DPF2: variants seen among roughly 807,000 people sequenced by gnomAD.
The protein encoded by DPF2 is double PHD fingers 2.
Under a neutral mutation model 59.6 loss-of-function variants are expected in DPF2, and 10 were observed. The ratio of observed to expected loss-of-function variants is 0.17; its 90% CI spans 0.10 to 0.28. The LOEUF is 0.28. Ranked by LOEUF, DPF2 falls within the 10% of genes least tolerant of loss-of-function variation. The pLI is 1.00. For missense variants in DPF2, 315 were observed against 509.4 expected, an observed-to-expected ratio of 0.62 and a Z score of 3.67; for synonymous variants, 189 against 190.6, an observed-to-expected ratio of 0.99 and a Z score of 0.07.
chr11:65,340,259 G>C, intron 1 of DPF2, 126 bp from the exon 2 acceptor site: 1 of 1,108,174 alleles, frequency 9.0e-7, no homozygotes, highest in South Asian at 1.7e-5. Flanking sequence ...GAGGCAAATA[G>C]AACGGAAGAG....
In DPF2 at chr11:65,353,923, G is replaced by C. The variant is rs1854793605; in HGVS notation, c.*2164G>C. On this transcript the variant is annotated 3_prime_UTR_variant, in exon 11 of 11. Coordinates refer to ENST00000528416, the MANE Select transcript of DPF2 (RefSeq NM_006268.5). ...GCTTTGGCAGCTGAGTAGTCCGAGA[G>C]CCAGAAAAGAAATGTGGAAAATAAG... 6.6e-6 allele frequency among the ~76,000 whole-genome samples: 1 copy of C among 152,206 alleles called. No homozygotes were observed. Among genetic ancestry groups the C allele is most frequent in the Non-Finnish European group, 1.5e-5 (1 of 68,040 alleles).
At chr11:65,340,771 G>T (rs1440847667) in intron 2 of DPF2, among the ~76,000 whole-genome samples, 195 bp from the exon 3 acceptor site, 1 of 152,138 alleles carries the variant, frequency 6.6e-6, no homozygotes, top group African/African-American at 2.4e-5. Flanking sequence ...AGAACTATGT[G>T]TTAGCCAAGG....
intron 1 of DPF2, among the ~76,000 whole-genome samples, chr11:65,337,547 A>AGAGAGAGAGAGAGAGAG (rs1251201046): frequency 7.6e-6 from 1 of 131,638 alleles, no homozygotes; most frequent in Non-Finnish European, 1.6e-5. Context: ...AGAGAGAGAG[A>AGAGAGAGAGAGAGAGAG]ACAATGTTAA....
chr11:65,350,871 A>G (rs903466300), intron 10 of DPF2, among the ~76,000 whole-genome samples: 4 of 151,674 alleles, frequency 2.6e-5, no homozygotes, highest in Middle Eastern at 3.2e-3. Flanking sequence ...CTCAGCTACT[A>G]TAGAGGCTGA....
chr11:65,343,692 G>A (rs1854445879), intron 4 of DPF2, 53 bp from the exon 5 acceptor site: 1 of 1,540,472 alleles, frequency 6.5e-7, no homozygotes, highest in South Asian at 1.2e-5. Context: ...TCATCATAGG[G>A]GAGCTTTTGG....
chr11:65,351,500 T>C lies in DPF2; in HGVS notation c.1100-183T>C, dbSNP rs620888. Among the ~76,000 whole-genome samples, 150,855 of 152,348 alleles carry C rather than the reference T, an allele frequency of 0.99. 74,704 individuals are homozygous for C. The highest frequency in any genetic ancestry group is 1 in the East Asian group (5,184 of 5,184). ...CATCTCCATAGAGGATGATATTTCA[T>C]AATATTTGAAGACTTAGAGGTTTAT... On this transcript the variant is annotated intron_variant, in intron 10 of 10. Coordinates refer to ENST00000528416, the MANE Select transcript of DPF2 (RefSeq NM_006268.5).
chr11:65,335,955 A>G (rs1341619356), intron 1 of DPF2, among the ~76,000 whole-genome samples: 1 of 151,906 alleles, frequency 6.6e-6, no homozygotes, highest in Non-Finnish European at 1.5e-5. Flanking sequence ...CTGAGATTAC[A>G]GGTGCCCACC....
intron 4 of DPF2, among the ~76,000 whole-genome samples, chr11:65,342,829 G>A (rs1177969238): frequency 1.3e-5 from 2 of 150,120 alleles, no homozygotes; most frequent in Admixed American, 6.7e-5. Flanking sequence ...TGGCTAACAT[G>A]GTGAAACCCC....
At chr11:65,341,694 C>A in intron 4 of DPF2, 132 bp downstream of exon 4, 2 of 1,244,258 alleles carry the variant, frequency 1.6e-6, no homozygotes, top group Non-Finnish European at 2.2e-6. Context: ...TCTGTTCTTA[C>A]TTCAGTCCCT....
At chr11:65,348,779 G>A in intron 9 of DPF2, 71 bp from the exon 10 acceptor site, 2 of 1,495,518 alleles carry the variant, frequency 1.3e-6, no homozygotes, top group African/African-American at 2.8e-5. Flanking sequence ...CTTGGAAATA[G>A]CAGTGTCCTG....
At chr11:65,349,673 G>A (rs1361211677) in intron 10 of DPF2, among the ~76,000 whole-genome samples, 13 of 152,176 alleles carry the variant, frequency 8.5e-5, no homozygotes, top group African/African-American at 3.1e-4. Context: ...GCGGGCGCCT[G>A]TAGTCCCAGC....
rs753615132 is a variant in DPF2 at position 65,346,214 on chromosome 11, G to A, written c.905-33G>A. 5.0e-6 allele frequency: 8 copies of A among 1,606,500 alleles called. No homozygotes were observed. The African/African-American group carries it at 6.7e-5, about 13-fold the overall frequency. The stretch of plus-strand genomic sequence containing the variant: ...GCTCCTCTCTTCCCCCCGCATTTCC[G>A]ACTGTCTGTCTCACTCACTTCCCCC... On this transcript the variant is annotated intron_variant, in intron 8 of 10. Coordinates refer to ENST00000528416, the MANE Select transcript of DPF2 (RefSeq NM_006268.5).
intron 10 of DPF2, among the ~76,000 whole-genome samples, chr11:65,350,658 A>G (rs1854669759): frequency 6.6e-6 from 1 of 151,360 alleles, no homozygotes; most frequent in South Asian, 2.1e-4. Context: ...CTGGGATTAC[A>G]GGTGTGAACC....
chr11:65,337,127 G>A (rs1416969410), intron 1 of DPF2, among the ~76,000 whole-genome samples: 1 of 151,994 alleles, frequency 6.6e-6, no homozygotes, highest in Non-Finnish European at 1.5e-5. Flanking sequence ...TAGTATAGCT[G>A]TAGCTGCTGA....
At chr11:65,348,610 G>GAAA in intron 9 of DPF2, 1 of 358,414 alleles carries the variant, frequency 2.8e-6, no homozygotes, top group Non-Finnish European at 5.0e-6. Flanking sequence ...TGGGCTTTAG[G>GAAA]GAAAAAAAAA....
intron 10 of DPF2, among the ~76,000 whole-genome samples, chr11:65,349,580 G>C (rs557212912): frequency 6.6e-6 from 1 of 152,250 alleles, no homozygotes; most frequent in African/African-American, 2.4e-5. Flanking sequence ...CGGATCACGA[G>C]GTCAGGACAT....
At chr11:65,342,993 CAA>C (rs755354439) in intron 4 of DPF2, among the ~76,000 whole-genome samples, 8 of 94,222 alleles carry the variant, frequency 8.5e-5, no homozygotes, top group Non-Finnish European at 8.7e-5. Context: ...GACTCCATCT[CAA>C]AAAAAAAAAA....
At chr11:65,343,678 A>C (rs973689792) in intron 4 of DPF2, 67 bp from the exon 5 acceptor site, 1 of 1,505,736 alleles carries the variant, frequency 6.6e-7, no homozygotes, top group Non-Finnish European at 9.0e-7. Context: ...GGCCTTGGCC[A>C]GTCTCATCAT....
In DPF2 at chr11:65,353,233, A is replaced by G. The variant is rs564402650; in HGVS notation, c.*1474A>G. 6.6e-6 allele frequency: 1 copy of G among 152,306 alleles called. No homozygotes were observed. The highest frequency in any genetic ancestry group is 1.9e-4 in the East Asian group (1 of 5,196). The allele number at this position is 152,306 out of a possible 1,614,324, so 9.4% of individuals were successfully genotyped here. On this transcript the variant is annotated 3_prime_UTR_variant, in exon 11 of 11. Coordinates refer to ENST00000528416, the MANE Select transcript of DPF2 (RefSeq NM_006268.5). ...ATGAAGCTGTTTTGATCAATACAAA[A>G]TTTGGGTTAAAATCAACTTTAACAT... is the stretch of plus-strand genomic sequence containing the variant.
Sources: allele counts gnomAD v4.1 joint callset (sites outside exome capture counted in the v4.1 genomes callset), GRCh38; gene constraint gnomAD v4.1.1; transcripts MANE v1.5; gene names NCBI Gene and HGNC (gene_info 2026-07-23, HGNC 2026-07-21).